KIAA0319: variants seen among roughly 807,000 people sequenced by gnomAD.
KIAA0319 encodes KIAA0319, also known as dyslexia-associated protein KIAA0319.
Under a neutral mutation model 108.4 loss-of-function variants are expected in KIAA0319, and 83 were observed. The ratio of observed to expected loss-of-function variants is 0.77; its 90% confidence interval spans 0.64 to 0.92. KIAA0319 has a LOEUF of 0.92. Among genes scored for constraint, KIAA0319 ranks in the 40% least tolerant of loss-of-function variants. The probability of loss-of-function intolerance (pLI) is 0.00; values close to 1 mark genes in which losing one functional copy is unlikely to be tolerated. For missense variants in KIAA0319, 1,195 were observed against 1,322.4 expected (o/e 0.90, Z 1.49); for synonymous variants, 484 against 510.4 (o/e 0.95, Z 0.70).
Position 24,547,059 on chromosome 6 carries a change from GGAA to G in KIAA0319, c.*103_*105del, listed in dbSNP as rs1581849514. The G allele has an allele frequency of 1.1e-5, 13 of 1,211,470 alleles. 1 individual carries two copies. Among genetic ancestry groups the G allele is most frequent in the South Asian group, 9.6e-5 (7 of 73,176 alleles). The allele number at this position is 1,211,470 out of a possible 1,614,324, so 75.0% of individuals were successfully genotyped here. A position where few individuals can be genotyped will look rare whatever the true frequency, so the allele number is the denominator to read the frequency against. ...TGGGGATACACATCTAACCCACTGGGGAAGAAGGTCAATGAACTATTCTAAAAG... is the reference window on the plus strand; with the variant it reads ...TGGGGATACACATCTAACCCACTGGGGAAGGTCAATGAACTATTCTAAAAG... On this transcript the variant is annotated 3_prime_UTR_variant, in exon 21 of 21. Transcript: ENST00000378214.
intron 9 of KIAA0319, 112 bp downstream of exon 9, chr6:24,577,998 G>T: frequency 8.7e-7 from 1 of 1,144,352 alleles, no homozygotes. Context: ...CCCCATGAAA[G>T]CCAAATCTCT....
chr6:24,558,933 G>C lies in KIAA0319; in HGVS notation c.2734+80C>G, dbSNP rs1581916984. 3 of 1,332,232 alleles carry C rather than the reference G, an allele frequency of 2.3e-6. No homozygotes were observed. The East Asian group carries it at 7.3e-5, about 32-fold the overall frequency. 82.5% of individuals were successfully genotyped at this position (1,332,232 alleles called of 1,614,324 possible). A position where few individuals can be genotyped will look rare whatever the true frequency, so the allele number is the denominator to read the frequency against. ...GATGCTAAAGTGAAAATGTTCACAT[G>C]TCACTCCTCTTCTATGTTTGTCAAA... On this transcript the variant is annotated intron_variant, in intron 17 of 20. Coordinates refer to ENST00000378214, the MANE Select transcript of KIAA0319 (RefSeq NM_014809.4).
intron 6 of KIAA0319, among the ~76,000 whole-genome samples, chr6:24,581,613 G>A (rs1042599900): frequency 4.6e-5 from 7 of 152,092 alleles, no homozygotes; most frequent in African/African-American, 1.2e-4. Context: ...GAGATGTGCC[G>A]GACTGAGAAC....
Position 24,551,482 on chromosome 6 carries a change from G to A in KIAA0319, c.2992C>T (p.Leu998=). 4 of 1,612,700 alleles carry A rather than the reference G, an allele frequency of 2.5e-6. No homozygotes were observed. In the South Asian group the frequency reaches 4.4e-5, roughly 18 times the overall value. ...KIRKKTKYTI[L]DNMDEQERME... ...CTTTCCTGTTCATCCATGTTATCCA[G>A]GATGGTGTACTTTGTTTTTTTCCTG... Residue 998 remains leucine (L), a synonymous_variant, in exon 20 of 21, where the codon CTG becomes TTG. Coordinates refer to ENST00000378214, the MANE Select transcript of KIAA0319 (RefSeq NM_014809.4).
intron 1 of KIAA0319, among the ~76,000 whole-genome samples, chr6:24,606,952 C>T (rs1771497287): frequency 6.6e-6 from 1 of 152,252 alleles, no homozygotes; most frequent in Non-Finnish European, 1.5e-5. Context: ...GGAGCTGGGT[C>T]CTTGAAGACA....
chr6:24,639,351 G>A (rs576845094), intron 1 of KIAA0319, among the ~76,000 whole-genome samples: 86 of 152,156 alleles, frequency 5.7e-4, no homozygotes, highest in African/African-American at 2.0e-3. Context: ...ATAGATGCTA[G>A]GAAATAATGG....
At chr6:24,588,157 C>T (rs1193627012) in intron 4 of KIAA0319, among the ~76,000 whole-genome samples, 2 of 152,238 alleles carry the variant, frequency 1.3e-5, no homozygotes, top group African/African-American at 4.8e-5. Flanking sequence ...TTGCCTGGCA[C>T]TCTGTAAGTG....
chr6:24,634,625 T>G (rs1775975326), intron 1 of KIAA0319, among the ~76,000 whole-genome samples: 1 of 152,172 alleles, frequency 6.6e-6, no homozygotes, highest in Admixed American at 6.5e-5. Context: ...TTATAGTAGA[T>G]AGCAAAAGGG....
At position 24,599,187 on chromosome 6, in the gene KIAA0319, G is replaced by A; in HGVS notation, c.55+1862C>T. 1.8e-6 allele frequency: 1 copy of A among 550,258 alleles called. No individual in the cohort carries two copies. The highest frequency in any genetic ancestry group is 3.3e-6 in the Non-Finnish European group (1 of 301,108). The allele number at this position is 550,258 out of a possible 1,614,324, so 34.1% of individuals were successfully genotyped here. On this transcript the variant is annotated intron_variant, in intron 2 of 20. Coordinates refer to ENST00000378214, the MANE Select transcript of KIAA0319 (RefSeq NM_014809.4). The surrounding 1 kb of genome is among the most constrained non-coding windows in gnomAD (Gnocchi z 4.1). ...CACCAACTGTAGCCAGGCCGGGGCTGACAGCCTGTACCAGGTCAAGTATGA... is the reference window on the plus strand; with the variant it reads ...CACCAACTGTAGCCAGGCCGGGGCTAACAGCCTGTACCAGGTCAAGTATGA...
intron 18 of KIAA0319, among the ~76,000 whole-genome samples, chr6:24,555,518 AAG>A (rs1254352003): frequency 6.9e-6 from 1 of 145,642 alleles, no homozygotes; most frequent in Non-Finnish European, 1.5e-5. Flanking sequence ...AAAAAAAAAA[AAG>A]GTTTAACTTT....
intron 19 of KIAA0319, 116 bp from the exon 20 acceptor site, chr6:24,551,641 G>A: frequency 1.4e-6 from 1 of 694,200 alleles, no homozygotes; most frequent in East Asian, 2.7e-5. Context: ...TGTGATAGTT[G>A]GCGTCTTTTA....
intron 1 of KIAA0319, among the ~76,000 whole-genome samples, chr6:24,628,710 G>C (rs982674691): frequency 1.3e-5 from 2 of 152,172 alleles, no homozygotes; most frequent in African/African-American, 4.8e-5. Flanking sequence ...CTGAGAGTCT[G>C]ATCAGAATCC....
At chr6:24,553,698 C>T (rs1016821824) in intron 19 of KIAA0319, among the ~76,000 whole-genome samples, 7 of 152,154 alleles carry the variant, frequency 4.6e-5, no homozygotes, top group African/African-American at 1.7e-4. Flanking sequence ...CCCACTCAGC[C>T]TGTTAGTATC....
rs1760570792 is a variant in KIAA0319, at chr6:24,545,952, G to GCACCACCAAGGC, written c.*1201_*1212dup. On this transcript the variant is annotated 3_prime_UTR_variant, in exon 21 of 21. Coordinates refer to ENST00000378214, the MANE Select transcript of KIAA0319 (RefSeq NM_014809.4). ...AATCTTCCCACAAAAAATGCCAAGGGCACCACCAAGGCCACCAGCCTCAGG... is the reference window on the plus strand; with the variant it reads ...AATCTTCCCACAAAAAATGCCAAGGGCACCACCAAGGCCACCACCAAGGCCACCAGCCTCAGG... The GCACCACCAAGGC allele has an allele frequency of 6.6e-6, 1 of 152,192 alleles. No individual in the cohort carries two copies. The highest frequency in any genetic ancestry group is 1.5e-5 in the Non-Finnish European group (1 of 68,064). The allele number at this position is 152,192 out of a possible 1,614,324, so 9.4% of individuals were successfully genotyped here. A position where few individuals can be genotyped will look rare whatever the true frequency, so the allele number is the denominator to read the frequency against.
At chr6:24,612,972 T>G (rs1166407289) in intron 1 of KIAA0319, among the ~76,000 whole-genome samples, 7 of 152,182 alleles carry the variant, frequency 4.6e-5, no homozygotes, top group Non-Finnish European at 1.5e-5. Context: ...CTAATTTTTT[T>G]GTATTTTTAG....
rs769473935 is a variant in KIAA0319, at chr6:24,546,370, G to A, written c.*795C>T. On this transcript the variant is annotated 3_prime_UTR_variant, in exon 21 of 21. Transcript: ENST00000378214. ...CTTCTATTGCATTTAATGTAAACTG[G>A]GGATCCGTTTACATTAGAGAACTAT... 6.6e-6 allele frequency: 1 copy of A among 151,508 alleles called. No homozygotes were observed. Among genetic ancestry groups the A allele is most frequent in the Non-Finnish European group, 1.5e-5 (1 of 67,918 alleles). 9.4% of individuals were successfully genotyped at this position (151,508 alleles called of 1,614,324 possible).
chr6:24,602,635 C>T (rs1259073840), intron 1 of KIAA0319, among the ~76,000 whole-genome samples: 1 of 152,058 alleles, frequency 6.6e-6, no homozygotes, highest in East Asian at 1.9e-4. Context: ...CCCGTCTCTA[C>T]TAAAAATACA....
At chr6:24,557,203 CAA>C (rs11449073) in intron 17 of KIAA0319, among the ~76,000 whole-genome samples, 3 of 150,430 alleles carry the variant, frequency 2.0e-5, no homozygotes, top group African/African-American at 7.3e-5. Context: ...GACTTTGTCT[CAA>C]AAAAAAAGTT....
chr6:24,609,227 C>A (rs1432088692), intron 1 of KIAA0319, among the ~76,000 whole-genome samples: 1 of 137,556 alleles, frequency 7.3e-6, no homozygotes, highest in Non-Finnish European at 1.5e-5. Context: ...GAGATTATGC[C>A]ATTGCACTCC....
Sources: allele counts gnomAD v4.1 joint callset (sites outside exome capture counted in the v4.1 genomes callset), GRCh38; gene constraint gnomAD v4.1.1; non-coding constraint Gnocchi (gnomAD v3.1); transcripts MANE v1.5; gene names NCBI Gene and HGNC (gene_info 2026-07-23, HGNC 2026-07-21).